USP24: variants seen among roughly 807,000 people sequenced by gnomAD.
USP24 encodes ubiquitin carboxyl-terminal hydrolase 24.
USP24 carries 97 observed loss-of-function variants against 361.6 expected under a neutral mutation model. The observed-to-expected ratio is 0.27, with a 90% CI of 0.23 to 0.32. The LOEUF is 0.32. Ranked by LOEUF, USP24 falls within the 10% of genes least tolerant of loss-of-function variation. The pLI, the probability that USP24 is intolerant of heterozygous loss-of-function variation, is 1.00. For synonymous variants in USP24, 1,098 were observed against 1,124.6 expected (o/e 0.98, Z 0.47); for missense variants, 2,353 against 3,165.6 (o/e 0.74, Z 6.16).
chr1:55,183,746 T>G (rs1297257031), intron 1 of USP24, among the ~76,000 whole-genome samples: 1 of 152,156 alleles, frequency 6.6e-6, no homozygotes, highest in African/African-American at 2.4e-5. Flanking sequence ...TATACAACCA[T>G]ATGCTGTCTA....
chr1:55,145,960 A>C, intron 20 of USP24, 38 bp downstream of exon 20: 1 of 1,401,922 alleles, frequency 7.1e-7, no homozygotes, highest in Non-Finnish European at 1.0e-6. Flanking sequence ...CTTCTTACTT[A>C]AAAGTACTGA....
At chr1:55,162,502 C>T (rs1359258707) in intron 7 of USP24, among the ~76,000 whole-genome samples, 2 of 152,012 alleles carry the variant, frequency 1.3e-5, no homozygotes, top group African/African-American at 4.8e-5. Context: ...AATAAAACAT[C>T]TTTGGAGAAT....
intron 1 of USP24, among the ~76,000 whole-genome samples, chr1:55,199,415 T>C (rs1006668266): frequency 7.2e-5 from 11 of 152,228 alleles, no homozygotes; most frequent in South Asian, 2.1e-4. Context: ...AGTGGAGAAT[T>C]TGAATATGAA....
intron 28 of USP24, among the ~76,000 whole-genome samples, chr1:55,135,678 T>C (rs1646713714): frequency 6.6e-6 from 1 of 152,134 alleles, no homozygotes; most frequent in Non-Finnish European, 1.5e-5. Flanking sequence ...TTATGCTCTG[T>C]AAATTAAAAA....
At chr1:55,170,374 C>G (rs187693767) in intron 5 of USP24, among the ~76,000 whole-genome samples, 1 of 152,042 alleles carries the variant, frequency 6.6e-6, no homozygotes, top group Non-Finnish European at 1.5e-5. Flanking sequence ...ATCTGCTGAG[C>G]GCTCACTAGA....
At chr1:55,083,623 GA>G in intron 57 of USP24, 148 bp downstream of exon 57, 1 of 712,896 alleles carries the variant, frequency 1.4e-6, no homozygotes. Flanking sequence ...CACCTCATCA[GA>G]ATTCTTACAA....
intron 39 of USP24, among the ~76,000 whole-genome samples, chr1:55,109,334 ATGT>A (rs1210016426): frequency 1.3e-5 from 2 of 152,174 alleles, no homozygotes; most frequent in African/African-American, 4.8e-5. Flanking sequence ...CACCATAGAA[ATGT>A]TGTTGAGGAT....
intron 19 of USP24, 69 bp downstream of exon 19, chr1:55,146,860 G>T (rs932015153): frequency 1.1e-5 from 17 of 1,579,728 alleles, no homozygotes; most frequent in Non-Finnish European, 1.5e-5. Context: ...TAGAAGATGT[G>T]AGACACACAG....
intron 55 of USP24, among the ~76,000 whole-genome samples, chr1:55,088,036 C>A (rs1645291845): frequency 6.6e-6 from 1 of 152,176 alleles, no homozygotes; most frequent in African/African-American, 2.4e-5. Flanking sequence ...AGGACAAAAA[C>A]CAGATCAAGC....
At chr1:55,096,846 C>T (rs546438776) in intron 49 of USP24, 106 bp downstream of exon 49, 1 of 1,434,132 alleles carries the variant, frequency 7.0e-7, no homozygotes, top group Non-Finnish European at 9.4e-7. Context: ...GAAACACAGT[C>T]AAGAACAATG....
At chr1:55,121,373 T>G (rs973169527) in intron 37 of USP24, 63 bp downstream of exon 37, 3 of 1,464,144 alleles carry the variant, frequency 2.0e-6, no homozygotes, top group Non-Finnish European at 2.8e-6. Context: ...TCACAGGTAG[T>G]TGAGACAGCT....
At chr1:55,153,943 T>G (rs1425447440) in intron 15 of USP24, 26 bp from the exon 16 acceptor site, 1 of 1,549,614 alleles carries the variant, frequency 6.5e-7, no homozygotes, top group African/African-American at 1.4e-5. Flanking sequence ...AAGAGAAATA[T>G]AAGTGACTTG....
chr1:55,167,979 T>C (rs756322695), intron 5 of USP24, among the ~76,000 whole-genome samples: 3 of 152,132 alleles, frequency 2.0e-5, no homozygotes, highest in Non-Finnish European at 4.4e-5. Context: ...CACAGAGATA[T>C]AAATTGGAGG....
Position 55,069,108 on chromosome 1 carries a change from C to A in USP24, c.7801-1G>T, listed in dbSNP as rs1257914695. ...CAATCATCATGGGAGATTCTGAACC[C>A]TGCAGAAAAGAAAAGGAAGTTAAAG... On this transcript the variant is annotated splice_acceptor_variant, in intron 67 of 67. Coordinates refer to ENST00000294383, the MANE Select transcript of USP24 (RefSeq NM_015306.3). LOFTEE classifies it high-confidence loss of function. The A allele has an allele frequency of 6.2e-7, 1 of 1,613,828 alleles. No homozygotes were observed. Among genetic ancestry groups the A allele is most frequent in the Non-Finnish European group, 8.5e-7 (1 of 1,179,898 alleles).
rs1644830234 is a variant in USP24 at position 55,066,676 on chromosome 1, A to T, written c.*2369T>A. 1 of 152,140 alleles carries T rather than the reference A, an allele frequency of 6.6e-6. No individual in the cohort carries two copies. Among genetic ancestry groups the T allele is most frequent in the Admixed American group, 6.5e-5 (1 of 15,274 alleles). The allele number at this position is 152,140 out of a possible 1,614,324, so 9.4% of individuals were successfully genotyped here. The stretch of plus-strand genomic sequence containing the variant: ...GGACTCCAGGAGAAGTCGTGGTGAG[A>T]TGCCCGCTGGGATGCTTGTTTTCTT... On this transcript the variant is annotated 3_prime_UTR_variant, in exon 68 of 68. Transcript: ENST00000294383.
At chr1:55,181,014 C>A (rs1227352513) in intron 1 of USP24, among the ~76,000 whole-genome samples, 1 of 151,630 alleles carries the variant, frequency 6.6e-6, no homozygotes, top group African/African-American at 2.4e-5. Flanking sequence ...ACAAAGCAAA[C>A]AGGACCCCAA....
Position 55,215,057 on chromosome 1 carries a change from G to A in USP24, c.57C>T (p.Asp19=), listed in dbSNP as rs749285739. The A allele has an allele frequency of 9.6e-6, 14 of 1,463,098 alleles. No homozygotes were observed. Among genetic ancestry groups the A allele is most frequent in the Non-Finnish European group, 1.3e-5 (14 of 1,104,274 alleles). 90.6% of individuals were successfully genotyped at this position (1,463,098 alleles called of 1,614,324 possible). Residue 19 remains aspartate (D), a synonymous_variant, in exon 1 of 68, where the codon GAC becomes GAT. Coordinates refer to ENST00000294383, the MANE Select transcript of USP24 (RefSeq NM_015306.3). ...MTTLLCMGFS[D]PATIRKALRL... The stretch of plus-strand genomic sequence containing the variant: ...GCAGGGCCTTGCGGATGGTGGCGGG[G>A]TCTGAGAAGCCCATGCACAGCAGCG...
intron 65 of USP24, 46 bp downstream of exon 65, chr1:55,072,740 T>C (rs761203733): frequency 7.9e-6 from 12 of 1,526,974 alleles, no homozygotes; most frequent in Non-Finnish European, 1.1e-5. Context: ...AGATGTGCTA[T>C]TATTGATTCC....
At chr1:55,104,610 T>C (rs1645724917) in intron 41 of USP24, among the ~76,000 whole-genome samples, 1 of 152,160 alleles carries the variant, frequency 6.6e-6, no homozygotes, top group Non-Finnish European at 1.5e-5. Context: ...GGATGGACAA[T>C]AATATCTCAC....
Sources: allele counts gnomAD v4.1 joint callset (sites outside exome capture counted in the v4.1 genomes callset), GRCh38; gene constraint gnomAD v4.1.1; transcripts MANE v1.5; gene names NCBI Gene and HGNC (gene_info 2026-07-23, HGNC 2026-07-21).